Variants in ALG13 observed in about 807,000 individuals in gnomAD.
ALG13 encodes the protein ALG13 UDP-N-acetylglucosaminyltransferase subunit.
Under a neutral mutation model 87.8 loss-of-function variants are expected in ALG13, and 11 were observed. The ratio of observed to expected loss-of-function variants is 0.13; its 90% confidence interval spans 0.08 to 0.21. ALG13 has a LOEUF of 0.21. Ranked by LOEUF, ALG13 falls within the 10% of genes least tolerant of loss-of-function variation. The pLI is 1.00. For synonymous variants in ALG13, 320 were observed against 306.3 expected (o/e 1.04, Z -0.47); for missense variants, 756 against 866.1 (o/e 0.87, Z 1.60).
chrX:111,714,444 C>A, intron 8 of ALG13, among the ~76,000 whole-genome samples: 1 of 110,009 alleles, frequency 9.1e-6, no homozygotes, highest in Non-Finnish European at 1.9e-5. Flanking sequence ...GCAGTCTATT[C>A]AGAGGAAACA....
At position 111,727,359 on chromosome X, in the gene ALG13, C is replaced by T. The variant is rs1024835814; in HGVS notation, c.2004C>T (p.His668=). The T allele has an allele frequency of 4.1e-6, 5 of 1,207,625 alleles. No homozygotes were observed. Among genetic ancestry groups the T allele is most frequent in the Non-Finnish European group, 1.1e-6 (1 of 893,859 alleles). The part of the protein sequence containing the change: ...PRNSSRFINR[H]NMPGPKVDFY... Reference sequence around the variant, plus strand: ...ATTCATCTCGGTTTATAAACAGGCACAACATGCCGGGCCCTAAAGTTGATT... The same window carrying T: ...ATTCATCTCGGTTTATAAACAGGCATAACATGCCGGGCCCTAAAGTTGATT... The change falls in exon 17 of 27, where the codon CAC becomes CAT. Residue 668 remains histidine (H), a synonymous_variant. Coordinates refer to ENST00000394780, the MANE Select transcript of ALG13 (RefSeq NM_001099922.3).
At chrX:111,690,199 G>T in intron 3 of ALG13, 1 of 752,820 alleles carries the variant, frequency 1.3e-6, no homozygotes, top group South Asian at 6.7e-5. Flanking sequence ...TGCTCTATTT[G>T]TTTGGTTTCA....
At chrX:111,728,330 T>A (rs1942294395) in intron 19 of ALG13, 25 bp downstream of exon 19, 1 of 1,203,333 alleles carries the variant, frequency 8.3e-7, no homozygotes, top group Non-Finnish European at 1.1e-6. Flanking sequence ...GTTAAATATT[T>A]TTTAAAAGAT....
chrX:111,695,532 A>C (rs985155416), intron 3 of ALG13, among the ~76,000 whole-genome samples: 6 of 110,355 alleles, frequency 5.4e-5, no homozygotes, highest in African/African-American at 1.3e-4. Flanking sequence ...TAAAAAAAAA[A>C]AAAAAACAAA....
chrX:111,685,027 A>C lies in ALG13; in HGVS notation c.307A>C (p.Lys103Gln). The C allele has an allele frequency of 1.7e-6, 2 of 1,210,146 alleles. No individual in the cohort carries two copies. Among genetic ancestry groups the C allele is most frequent in the Non-Finnish European group, 2.2e-6 (2 of 894,098 alleles). ...GKPLVVVINE[K>Q]LMNNHQLELA... is the part of the protein sequence containing the mutation. ...GCCACTCGTAGTGGTTATAAACGAA[A>C]AGTTGATGAACAATCATCAGCTGGA... The change falls in exon 3 of 27, where the codon AAG (lysine) becomes CAG (glutamine). Residue 103 changes from lysine to glutamine, a missense_variant. Around this residue, in one of 9 missense-constraint regions of ALG13, gnomAD observed 153 missense variants for 168.7 expected, o/e 0.91. Coordinates refer to ENST00000394780, the MANE Select transcript of ALG13 (RefSeq NM_001099922.3).
intron 22 of ALG13, 89 bp downstream of exon 22, chrX:111,735,211 A>G (rs905331862): frequency 1.7e-6 from 1 of 585,581 alleles, no homozygotes. Context: ...TCATACTTCA[A>G]AGCAACTGCT....
At chrX:111,744,927 G>A in intron 24 of ALG13, 23 bp downstream of exon 24, 1 of 1,139,995 alleles carries the variant, frequency 8.8e-7, no homozygotes, top group Non-Finnish European at 1.2e-6. Context: ...TGAGACTTAG[G>A]TGAGGGATCT....
chrX:111,700,838 G>A (rs1030369151), intron 3 of ALG13, among the ~76,000 whole-genome samples: 2 of 103,857 alleles, frequency 1.9e-5, no homozygotes, highest in East Asian at 3.1e-4. Context: ...TGATCTGCCC[G>A]CCTTGGCCTC....
Position 111,757,769 on chromosome X carries a change from G to C in ALG13, c.3148+7G>C. On this transcript the variant is annotated splice_region_variant and intron_variant, in intron 26 of 26. Coordinates refer to ENST00000394780, the MANE Select transcript of ALG13 (RefSeq NM_001099922.3). The stretch of plus-strand genomic sequence containing the variant: ...GCGGAAGCATCAGCAAATGGTGAGT[G>C]TGTAATGAGATTGCCAGCAAGAAAG... 10 of 1,197,956 alleles carry C rather than the reference G, an allele frequency of 8.3e-6. No individual in the cohort carries two copies. Among genetic ancestry groups the C allele is most frequent in the Non-Finnish European group, 1.1e-5 (10 of 889,272 alleles).
Position 111,718,196 on chromosome X carries a change from G to T in ALG13, c.1172G>T (p.Gly391Val). The part of the protein sequence containing the change: ...LKTAIKLFRS[G>V]SKKNRNNAVT... ...ACTGCGATTAAATTGTTTCGAAGTG[G>T]TTCTAAGAAGAACAGAAATAATGCT... The change falls in exon 10 of 27, where the codon GGT becomes GTT. Residue 391 changes from glycine to valine, a missense_variant. Physicochemically the swap from Gly to Val is moderately radical, Grantham distance 109. Coordinates refer to ENST00000394780, the MANE Select transcript of ALG13 (RefSeq NM_001099922.3). The T allele has an allele frequency of 8.5e-7, 1 of 1,180,599 alleles. No homozygotes were observed. The highest frequency in any genetic ancestry group is 1.1e-6 in the Non-Finnish European group (1 of 878,228).
At chrX:111,689,243 A>G in intron 3 of ALG13, 1 of 750,368 alleles carries the variant, frequency 1.3e-6, no homozygotes, top group Non-Finnish European at 1.6e-6. Flanking sequence ...TCATAATTGT[A>G]TATCAATGTT....
At chrX:111,700,187 T>A (rs1013086359) in intron 3 of ALG13, among the ~76,000 whole-genome samples, 2 of 110,856 alleles carry the variant, frequency 1.8e-5, no homozygotes, top group African/African-American at 6.6e-5. Context: ...TCTCTTTGGA[T>A]AATGTAGAAA....
intron 3 of ALG13, chrX:111,685,332 T>G (rs1000689491): frequency 1.0e-4 from 34 of 338,744 alleles, no homozygotes; most frequent in African/African-American, 9.1e-4. Context: ...TATGTGAATA[T>G]CTGAGAGAGT....
chrX:111,703,522 T>C (rs2147945839), intron 3 of ALG13, among the ~76,000 whole-genome samples: 1 of 111,872 alleles, frequency 8.9e-6, no homozygotes, highest in African/African-American at 3.2e-5. Flanking sequence ...CCTTTCTCTT[T>C]GTAGTCAGCC....
chrX:111,726,897 G>T lies in ALG13; in HGVS notation c.1818G>T (p.Lys606Asn), dbSNP rs767214543. Reference sequence around the variant, plus strand: ...TTTACATGACTATGGCTTACGGCAAGGGAGACCCCCTCCTCCCACCCAGGC... The same window carrying T: ...TTTACATGACTATGGCTTACGGCAATGGAGACCCCCTCCTCCCACCCAGGC... The part of the protein sequence containing the change: ...KEVYMTMAYG[K>N]GDPLLPPRLQ... Residue 606 changes from lysine (K) to asparagine (N), a missense_variant, in exon 16 of 27, where the codon AAG becomes AAT. Physicochemically the swap from Lys to Asn is moderately conservative, Grantham distance 94 (BLOSUM62 0). Coordinates refer to ENST00000394780, the MANE Select transcript of ALG13 (RefSeq NM_001099922.3). 8.3e-7 allele frequency: 1 copy of T among 1,211,534 alleles called. No individual in the cohort carries two copies. The highest frequency in any genetic ancestry group is 1.8e-5 in the South Asian group (1 of 56,976).
intron 24 of ALG13, among the ~76,000 whole-genome samples, chrX:111,748,358 A>G (rs1427210195): frequency 8.9e-6 from 1 of 111,959 alleles, no homozygotes. Context: ...AGTAATCGCC[A>G]GTCTTGGGGT....
At chrX:111,748,508 AGTT>A (rs752336019) in intron 24 of ALG13, among the ~76,000 whole-genome samples, 57 of 111,861 alleles carry the variant, frequency 5.1e-4, no homozygotes, top group South Asian at 1.1e-3. Flanking sequence ...GTGGATGTCC[AGTT>A]GTTTGAGTAC....
At chrX:111,705,575 A>C (rs1425744290) in intron 3 of ALG13, among the ~76,000 whole-genome samples, 2 of 111,496 alleles carry the variant, frequency 1.8e-5, no homozygotes, top group Non-Finnish European at 3.8e-5. Flanking sequence ...TTTATTTTTT[A>C]AAATTTTGAA....
At chrX:111,714,408 A>G (rs779657426) in intron 8 of ALG13, 14 of 110,146 alleles carry the variant, frequency 1.3e-4, no homozygotes, top group Non-Finnish European at 2.3e-4. Flanking sequence ...TAAGTGGAGT[A>G]TAAAAGAGTC....
Sources: allele counts gnomAD v4.1 joint callset (sites outside exome capture counted in the v4.1 genomes callset), GRCh38; gene constraint gnomAD v4.1.1; regional missense constraint gnomAD v4.1.1; transcripts MANE v1.5; gene names NCBI Gene and HGNC (gene_info 2026-07-23, HGNC 2026-07-21).